The following ANK2 variants were observed in gnomAD, a reference collection of about 807,000 sequenced individuals.
ANK2 encodes ankyrin-2.
ANK2 carries 83 observed loss-of-function variants against 360.5 expected under a neutral mutation model. The ratio of observed to expected loss-of-function variants is 0.23; its 90% CI spans 0.19 to 0.28. The LOEUF is 0.28. Among genes scored for constraint, ANK2 ranks in the 10% least tolerant of loss-of-function variants. The pLI, the probability that ANK2 is intolerant of heterozygous loss-of-function variation, is 1.00. For synonymous variants in ANK2, 1,740 were observed against 1,759.5 expected, an observed-to-expected ratio of 0.99 and a Z score of 0.28; for missense variants, 4,201 against 4,795.7, an observed-to-expected ratio of 0.88 and a Z score of 3.66.
At chr4:112,945,712 G>T (rs1042424208) in intron 2 of ANK2, among the ~76,000 whole-genome samples, 1 of 152,164 alleles carries the variant, frequency 6.6e-6, no homozygotes, top group African/African-American at 2.4e-5. Context: ...ACAGACTCCA[G>T]TTTGAAAAAT....
At chr4:112,744,186 A>G in the ANK2 span, among the ~76,000 whole-genome samples, 1 of 152,144 alleles carries the variant, frequency 6.6e-6, no homozygotes, top group Non-Finnish European at 1.5e-5. Flanking sequence ...ATAGAGGTAT[A>G]TTATTCTGTA....
At chr4:113,213,105 T>A (rs1164176210) in intron 4 of ANK2, among the ~76,000 whole-genome samples, 2 of 152,200 alleles carry the variant, frequency 1.3e-5, no homozygotes, top group Non-Finnish European at 1.5e-5. Context: ...TCTTAGATAG[T>A]CTGGATGGTG....
intron 1 of ANK2, among the ~76,000 whole-genome samples, chr4:113,138,384 A>G (rs1031344484): frequency 1.3e-5 from 2 of 152,208 alleles, no homozygotes; most frequent in Admixed American, 6.5e-5. Flanking sequence ...GTGCAACACA[A>G]CTGGAAGAGC....
intron 2 of ANK2, among the ~76,000 whole-genome samples, chr4:112,924,654 C>T (rs1306527493): frequency 6.6e-6 from 1 of 151,778 alleles, no homozygotes; most frequent in Non-Finnish European, 1.5e-5. Context: ...AAAAAGTCCA[C>T]TACCAATAAT....
Position 113,357,586 on chromosome 4 carries a change from G to A in ANK2, c.8968G>A (p.Gly2990Ser), listed in dbSNP as rs2095874613. 1 of 1,614,068 alleles carries A rather than the reference G, an allele frequency of 6.2e-7. No individual in the cohort carries two copies. Residue 2990 changes from glycine to serine, a missense_variant, in exon 38 of 46, where the codon GGC becomes AGC. Coordinates refer to ENST00000357077, the MANE Select transcript of ANK2 (RefSeq NM_001148.6). ...TTTAAGCAAAGAATCTAATTTTGAG[G>A]GCCAGGACATAAAAATGGAATCCCA... ...TVLSKESNFE[G>S]QDIKMESQQE...
the ANK2 span, among the ~76,000 whole-genome samples, chr4:112,756,275 G>C: frequency 6.6e-4 from 97 of 146,538 alleles, 1 homozygote; most frequent in African/African-American, 2.4e-3. Context: ...CTGCTGTCCA[G>C]AGCACTTGGC....
chr4:113,279,072 C>A (rs1194314170), intron 17 of ANK2, among the ~76,000 whole-genome samples: 1 of 151,938 alleles, frequency 6.6e-6, no homozygotes, highest in Non-Finnish European at 1.5e-5. Flanking sequence ...GTATATCTAG[C>A]ACCAAATTCC....
intron 2 of ANK2, among the ~76,000 whole-genome samples, chr4:113,035,116 A>T (rs1463858058): frequency 6.6e-6 from 1 of 151,694 alleles, no homozygotes; most frequent in East Asian, 1.9e-4. Flanking sequence ...GAAATAACAG[A>T]TACCAAGAGT....
At chr4:112,877,116 C>T (rs1159904545) in intron 1 of ANK2, among the ~76,000 whole-genome samples, 1 of 152,168 alleles carries the variant, frequency 6.6e-6, no homozygotes, top group Non-Finnish European at 1.5e-5. Context: ...TAGGTGTTCA[C>T]CTGGGCTCTG....
At chr4:113,269,403 T>C (rs746055238) in intron 14 of ANK2, among the ~76,000 whole-genome samples, 11 of 152,366 alleles carry the variant, frequency 7.2e-5, no homozygotes, top group Non-Finnish European at 1.3e-4. Flanking sequence ...GCCCTGGTGA[T>C]GTAGGCACCC....
intron 1 of ANK2, among the ~76,000 whole-genome samples, chr4:113,068,414 T>C (rs538169057): frequency 6.6e-6 from 1 of 152,340 alleles, no homozygotes; most frequent in Admixed American, 6.5e-5. Flanking sequence ...CCATTGAATA[T>C]GTTGTGAATG....
the ANK2 span, among the ~76,000 whole-genome samples, chr4:112,807,632 G>A: frequency 6.6e-6 from 1 of 152,196 alleles, no homozygotes; most frequent in Non-Finnish European, 1.5e-5. Context: ...ACTTAGATTA[G>A]GGAGAAATAA....
At chr4:113,009,461 G>A (rs2054002366) in intron 2 of ANK2, among the ~76,000 whole-genome samples, 1 of 152,114 alleles carries the variant, frequency 6.6e-6, no homozygotes, top group Non-Finnish European at 1.5e-5. Context: ...ACAAAATAGA[G>A]TATGCAAAAA....
intron 2 of ANK2, among the ~76,000 whole-genome samples, chr4:113,039,271 G>A (rs983328607): frequency 3.3e-5 from 5 of 151,646 alleles, no homozygotes; most frequent in Non-Finnish European, 5.9e-5. Flanking sequence ...TTTTATGTTC[G>A]TATTATCTTT....
chr4:112,796,655 C>CT, the ANK2 span, among the ~76,000 whole-genome samples: 496 of 135,610 alleles, frequency 3.7e-3, 3 homozygotes, highest in East Asian at 0.019. Context: ...TGGCCACCTT[C>CT]TTTTTTTTTT....
chr4:113,275,662 T>C (rs1043525734), intron 15 of ANK2, among the ~76,000 whole-genome samples: 1 of 151,752 alleles, frequency 6.6e-6, no homozygotes, highest in Non-Finnish European at 1.5e-5. Context: ...TATAAGAAAT[T>C]GACAATTATT....
At chr4:113,263,015 C>T (rs1586527776) in intron 13 of ANK2, among the ~76,000 whole-genome samples, 1 of 151,346 alleles carries the variant, frequency 6.6e-6, no homozygotes, top group Non-Finnish European at 1.5e-5. Context: ...TGATGAAACC[C>T]CATCTCTACT....
intron 42 of ANK2, 67 bp downstream of exon 42, chr4:113,367,918 T>C: frequency 1.3e-6 from 2 of 1,568,768 alleles, no homozygotes; most frequent in Non-Finnish European, 1.8e-6. Flanking sequence ...ATGCCAGGCA[T>C]ATATAAGCAT....
the ANK2 span, among the ~76,000 whole-genome samples, chr4:112,791,479 C>CTTTTT: frequency 1.9e-4 from 18 of 93,894 alleles, no homozygotes; most frequent in Non-Finnish European, 2.5e-4. Flanking sequence ...TCTTCTTCTT[C>CTTTTT]TTTTTTTTTT....
Sources: gnomAD v4.1 joint callset for allele counts (sites outside exome capture counted in the v4.1 genomes callset) on GRCh38, gnomAD v4.1.1 for gene constraint, MANE v1.5 for transcripts, NCBI Gene and HGNC (gene_info 2026-07-23, HGNC 2026-07-21) for gene names.